CRTAC1: variants seen among roughly 807,000 people sequenced by gnomAD.
CRTAC1 encodes cartilage acidic protein 1.
Under a neutral mutation model 67.8 loss-of-function variants are expected in CRTAC1, and 37 were observed. The observed-to-expected ratio is 0.55, with a 90% CI of 0.42 to 0.72. CRTAC1 has a LOEUF of 0.72. Among genes scored for constraint, CRTAC1 ranks in the 30% least tolerant of loss-of-function variants. The probability of loss-of-function intolerance (pLI) is 0.00; values close to 1 mark genes in which losing one functional copy is unlikely to be tolerated. For missense variants in CRTAC1, 780 were observed against 931.6 expected (o/e 0.84, Z 2.12); for synonymous variants, 348 against 371.0 (o/e 0.94, Z 0.71).
intron 2 of CRTAC1, among the ~76,000 whole-genome samples, chr10:97,970,734 T>C (rs1206626731): frequency 6.6e-6 from 1 of 152,184 alleles, no homozygotes; most frequent in East Asian, 1.9e-4. Context: ...TCTCCCTCTC[T>C]AGGAGGTAAA....
intron 14 of CRTAC1, among the ~76,000 whole-genome samples, chr10:97,873,063 C>T (rs1194351505): frequency 2.0e-5 from 3 of 152,146 alleles, no homozygotes; most frequent in Admixed American, 6.5e-5. Context: ...CTTATAGGCT[C>T]GAGGAAGCCT....
At position 98,030,567 on chromosome 10, in the gene CRTAC1, C is replaced by G. The variant is rs563624429; in HGVS notation, c.-95G>C. On this transcript the variant is annotated 5_prime_UTR_variant, in exon 1 of 15. Transcript: ENST00000370597. This position sits in a 1 kb window ranked among gnomAD's most constrained non-coding sequence, Gnocchi z 4.2. The stretch of plus-strand genomic sequence containing the variant: ...GCCGCCGCCTGCTTGCTCCCAGCCC[C>G]GGTCCCGGGCTGGCCTCGAGCCTCC... 1.8e-5 allele frequency: 16 copies of G among 885,412 alleles called. No homozygotes were observed. Among genetic ancestry groups the G allele is most frequent in the Non-Finnish European group, 2.4e-5 (16 of 668,116 alleles). 54.8% of individuals were successfully genotyped at this position (885,412 alleles called of 1,614,324 possible).
chr10:98,023,360 C>A (rs1039328387), intron 1 of CRTAC1, among the ~76,000 whole-genome samples: 2 of 152,180 alleles, frequency 1.3e-5, no homozygotes, highest in South Asian at 4.2e-4. Flanking sequence ...TACCAAGGGT[C>A]ACCTCTGCCC....
chr10:97,945,227 G>A (rs148717045), intron 2 of CRTAC1, among the ~76,000 whole-genome samples: 258 of 152,302 alleles, frequency 1.7e-3, no homozygotes, highest in South Asian at 7.7e-3. Context: ...GACTAGTTGT[G>A]TTGGTACTTG....
intron 2 of CRTAC1, among the ~76,000 whole-genome samples, chr10:97,950,953 G>T (rs1253274243): frequency 2.0e-5 from 3 of 152,154 alleles, no homozygotes; most frequent in African/African-American, 7.2e-5. Context: ...GGAGAAGTTG[G>T]AGCAGCAACT....
At chr10:98,016,628 C>A (rs1843003899) in intron 1 of CRTAC1, among the ~76,000 whole-genome samples, 2 of 152,102 alleles carry the variant, frequency 1.3e-5, no homozygotes. Context: ...AAATATGCCA[C>A]CACCCAGGTC....
At chr10:98,010,020 T>A (rs1842875253) in intron 2 of CRTAC1, among the ~76,000 whole-genome samples, 1 of 152,054 alleles carries the variant, frequency 6.6e-6, no homozygotes, top group African/African-American at 2.4e-5. Flanking sequence ...GTCTGGCACA[T>A]ATTAGTGCTC....
At chr10:97,930,800 A>G (rs1346120402) in intron 3 of CRTAC1, among the ~76,000 whole-genome samples, 1 of 152,196 alleles carries the variant, frequency 6.6e-6, no homozygotes, top group Non-Finnish European at 1.5e-5. Flanking sequence ...ATAAGAAGTT[A>G]CAAGAGCCTC....
Position 97,989,511 on chromosome 10 carries a change from G to A in CRTAC1, c.224+21627C>T, listed in dbSNP as rs575474853. ...CATGTTACTGTACTGAATACTGTAG[G>A]TAATTGTCACACAATGGTAAGTATC... On this transcript the variant is annotated intron_variant, in intron 2 of 14. Coordinates refer to ENST00000370597, the MANE Select transcript of CRTAC1 (RefSeq NM_018058.7). 2.6e-5 allele frequency among the ~76,000 whole-genome samples: 4 copies of A among 152,302 alleles called. No individual in the cohort carries two copies. The South Asian group carries it at 6.2e-4, about 24-fold the overall frequency.
chr10:97,950,077 G>A (rs1027417499), intron 2 of CRTAC1, among the ~76,000 whole-genome samples: 20 of 152,238 alleles, frequency 1.3e-4, no homozygotes, highest in Admixed American at 1.2e-3. Flanking sequence ...TATTCTTCTA[G>A]CCCTTAACAC....
chr10:97,895,945 G>A lies in CRTAC1; in HGVS notation c.1257C>T (p.Asp419=), dbSNP rs1294806250. The A allele has an allele frequency of 6.2e-7, 1 of 1,614,118 alleles. No homozygotes were observed. The highest frequency in any genetic ancestry group is 1.7e-5 in the Admixed American group (1 of 60,014). Residue 419 remains aspartate, a synonymous_variant, in exon 10 of 15, where the codon GAC becomes GAT. Coordinates refer to ENST00000370597, the MANE Select transcript of CRTAC1 (RefSeq NM_018058.7). The surrounding 1 kb of genome is among the most constrained non-coding windows in gnomAD (Gnocchi z 4.2). ...TGGACTCTCCATGGGACAAGATGAGGTCCAGCATCCCGTCTCCGTCGAAGT... is the reference window on the plus strand; with the variant it reads ...TGGACTCTCCATGGGACAAGATGAGATCCAGCATCCCGTCTCCGTCGAAGT... ...VTDFDGDGML[D]LILSHGESMA...
At chr10:97,879,865 T>TGG in intron 14 of CRTAC1, 1 of 226,630 alleles carries the variant, frequency 4.4e-6, no homozygotes, top group Non-Finnish European at 8.7e-6. Flanking sequence ...GGGGACGGGG[T>TGG]GGGGGTGGAG....
At chr10:97,989,777 G>C (rs910671942) in intron 2 of CRTAC1, among the ~76,000 whole-genome samples, 3 of 152,208 alleles carry the variant, frequency 2.0e-5, no homozygotes, top group African/African-American at 7.2e-5. Context: ...AGAGAGGCTA[G>C]GTAACTCGTT....
intron 13 of CRTAC1, among the ~76,000 whole-genome samples, chr10:97,882,515 C>T (rs1476430629): frequency 6.6e-6 from 1 of 152,190 alleles, no homozygotes; most frequent in Non-Finnish European, 1.5e-5. Context: ...GTGTCTCCTT[C>T]CCATCTGCAG....
At chr10:97,988,715 G>A (rs557390443) in intron 2 of CRTAC1, among the ~76,000 whole-genome samples, 15 of 152,266 alleles carry the variant, frequency 9.9e-5, no homozygotes, top group African/African-American at 2.4e-4. Flanking sequence ...GCAAGACTCC[G>A]TCTCTAAAAA....
intron 2 of CRTAC1, among the ~76,000 whole-genome samples, chr10:97,964,097 A>C (rs78799524): frequency 3.7e-4 from 56 of 152,230 alleles, no homozygotes; most frequent in African/African-American, 1.2e-3. Context: ...TCCTACCTGG[A>C]GATCAGACAA....
In CRTAC1 at chr10:97,975,070, C is replaced by T. The variant is rs2051777343; in HGVS notation, c.224+36068G>A. ...TGGCGCGGGATCGATTCCCGGGTGG[C>T]GGTGGAGGGCCGGCCCGGGAGGAGC... is the stretch of plus-strand genomic sequence containing the variant. On this transcript the variant is annotated intron_variant, in intron 2 of 14. Transcript: ENST00000370597. The surrounding 1 kb of genome is among the most constrained non-coding windows in gnomAD (Gnocchi z 4.8). Among the ~76,000 whole-genome samples, 1 of 151,902 alleles carries T rather than the reference C, an allele frequency of 6.6e-6. No homozygotes were observed. Among genetic ancestry groups the T allele is most frequent in the Admixed American group, 6.5e-5 (1 of 15,276 alleles).
chr10:98,017,996 A>G (rs933354582), intron 1 of CRTAC1, among the ~76,000 whole-genome samples: 1 of 151,544 alleles, frequency 6.6e-6, no homozygotes, highest in Non-Finnish European at 1.5e-5. Flanking sequence ...CAGGAGTTCA[A>G]GAGCAGCCTG....
intron 11 of CRTAC1, among the ~76,000 whole-genome samples, chr10:97,887,041 T>C (rs1252630735): frequency 6.6e-6 from 1 of 151,770 alleles, no homozygotes; most frequent in East Asian, 1.9e-4. Flanking sequence ...AAGTGGCACA[T>C]ATAAAAGGTA....
Sources: gnomAD v4.1 joint callset for allele counts (sites outside exome capture counted in the v4.1 genomes callset) on GRCh38, gnomAD v4.1.1 for gene constraint, Gnocchi (gnomAD v3.1) non-coding constraint, MANE v1.5 for transcripts, NCBI Gene and HGNC (gene_info 2026-07-23, HGNC 2026-07-21) for gene names.